PCID2: variants seen among roughly 807,000 people sequenced by gnomAD.
PCID2 encodes the protein PCI domain containing 2.
A neutral mutation model predicts 61.3 loss-of-function variants in PCID2; 41 were observed. The ratio of observed to expected loss-of-function variants is 0.67; its 90% CI spans 0.52 to 0.87. PCID2 has a LOEUF of 0.87. Among genes scored for constraint, PCID2 ranks in the 40% least tolerant of loss-of-function variants. The pLI is 0.00. For synonymous variants in PCID2, 187 were observed against 177.8 expected (o/e 1.05, Z -0.41); for missense variants, 392 against 493.4 (o/e 0.79, Z 1.95).
chr13:113,207,127 C>T (rs4907599), intron 1 of PCID2, among the ~76,000 whole-genome samples: 107,453 of 152,184 alleles, frequency 0.71, 38,677 homozygotes, highest in Middle Eastern at 0.81. Flanking sequence ...CACTCTAATA[C>T]ATCGCAAGCT....
At chr13:113,208,351 A>C in intron 1 of PCID2, 5 of 1,432,446 alleles carry the variant, frequency 3.5e-6, no homozygotes, top group Non-Finnish European at 4.6e-6. Context: ...GTCTACTTAC[A>C]CCGCGACGAC....
At chr13:113,190,656 T>C (rs1212204819) in intron 7 of PCID2, 15 of 394,588 alleles carry the variant, frequency 3.8e-5, no homozygotes. Flanking sequence ...CCAGGCATGG[T>C]CAAATGTGGG....
intron 1 of PCID2, among the ~76,000 whole-genome samples, chr13:113,201,975 G>C (rs77378166): frequency 8.7e-4 from 132 of 152,112 alleles, no homozygotes; most frequent in African/African-American, 3.0e-3. Flanking sequence ...TGTGCAAATG[G>C]CAAAAAAGCA....
chr13:113,208,575 G>C, intron 1 of PCID2, 24 bp downstream of exon 1: 1 of 1,605,798 alleles, frequency 6.2e-7, no homozygotes, highest in Non-Finnish European at 8.5e-7. Flanking sequence ...CCACGCCGCC[G>C]CGCGCTCCCC....
At chr13:113,170,983 C>G in the PCID2 span, among the ~76,000 whole-genome samples, 1 of 151,700 alleles carries the variant, frequency 6.6e-6, no homozygotes, top group Non-Finnish European at 1.5e-5. Context: ...AGTGCAGTGG[C>G]ATGATCCAGG....
At chr13:113,176,021 G>A (rs1023591735), downstream of PCID2, among the ~76,000 whole-genome samples, 10 of 152,224 alleles carry the variant, frequency 6.6e-5, no homozygotes, top group South Asian at 2.1e-4. Flanking sequence ...AAGCTTCCCC[G>A]CCCAGCCCGG....
Position 113,181,254 on chromosome 13 carries a change from C to A in PCID2, c.686-24G>T, listed in dbSNP as rs771573281. 14 of 1,474,458 alleles carry A rather than the reference C, an allele frequency of 9.5e-6. No individual in the cohort carries two copies. The African/African-American group carries it at 1.5e-4, about 16-fold the overall frequency. 91.3% of individuals were successfully genotyped at this position (1,474,458 alleles called of 1,614,324 possible). On this transcript the variant is annotated intron_variant, in intron 9 of 13. Transcript: ENST00000337344. ...AGCTGCAAAGAAGGCAGAGCCAGCA[C>A]GCATGAGACCAACGCACCTGCTTCA...
intron 8 of PCID2, among the ~76,000 whole-genome samples, chr13:113,184,976 C>T (rs2037977552): frequency 1.3e-5 from 2 of 152,264 alleles, no homozygotes; most frequent in Non-Finnish European, 2.9e-5. Flanking sequence ...TATGCAGCAC[C>T]GGCAGGAAGG....
chr13:113,195,591 C>T (rs760267829), intron 5 of PCID2, among the ~76,000 whole-genome samples: 12 of 151,842 alleles, frequency 7.9e-5, no homozygotes, highest in Middle Eastern at 3.4e-3. Flanking sequence ...AAAAGGGTGG[C>T]GGGAGGCAGA....
rs2037434820 is a variant in PCID2 at position 113,179,614 on chromosome 13, G to A, written c.986+303C>T. On this transcript the variant is annotated intron_variant, in intron 12 of 13. Coordinates refer to ENST00000337344, the MANE Select transcript of PCID2 (RefSeq NM_001127202.4). This position sits in a 1 kb window ranked among gnomAD's most constrained non-coding sequence, Gnocchi z 4.3. ...ACTAAGGGAGGGGAGTGAGTGGCGA[G>A]TCCTGTGTGCTCTGATGAAATGTGG... 6.6e-6 allele frequency among the ~76,000 whole-genome samples: 1 copy of A among 152,162 alleles called. No homozygotes were observed. The highest frequency in any genetic ancestry group is 2.1e-4 in the South Asian group (1 of 4,826).
chr13:113,203,067 G>A (rs1164802732), intron 1 of PCID2, among the ~76,000 whole-genome samples: 1 of 152,236 alleles, frequency 6.6e-6, no homozygotes, highest in Non-Finnish European at 1.5e-5. Flanking sequence ...ATCCTGAACT[G>A]CTTGTGAGTG....
intron 9 of PCID2, among the ~76,000 whole-genome samples, chr13:113,181,900 G>A (rs1347889061): frequency 1.3e-5 from 2 of 152,164 alleles, no homozygotes; most frequent in African/African-American, 4.8e-5. Context: ...TGCTAACAAG[G>A]AACTCTCAGA....
intron 1 of PCID2, among the ~76,000 whole-genome samples, chr13:113,206,198 T>C (rs1361966569): frequency 6.6e-6 from 1 of 152,232 alleles, no homozygotes; most frequent in Non-Finnish European, 1.5e-5. Flanking sequence ...CATGGTCTTT[T>C]TAATTCTCAC....
At chr13:113,203,255 A>G (rs2039564108) in intron 1 of PCID2, among the ~76,000 whole-genome samples, 1 of 152,192 alleles carries the variant, frequency 6.6e-6, no homozygotes, top group African/African-American at 2.4e-5. Flanking sequence ...TCATAGGAAA[A>G]CTACAGCCAT....
chr13:113,196,315 G>C, intron 4 of PCID2, 93 bp from the exon 5 acceptor site: 1 of 987,728 alleles, frequency 1.0e-6, no homozygotes, highest in Non-Finnish European at 1.6e-6. Context: ...AAGGAATGTA[G>C]ATCACCCTTG....
chr13:113,180,110 C>T (rs1303987158), intron 11 of PCID2, 48 bp downstream of exon 11: 1 of 1,613,636 alleles, frequency 6.2e-7, no homozygotes, highest in Admixed American at 1.7e-5. Flanking sequence ...CAACTCTCAT[C>T]AGGCTTGCAT....
chr13:113,174,497 G>A (rs1230097219), downstream of PCID2, among the ~76,000 whole-genome samples: 1 of 152,178 alleles, frequency 6.6e-6, no homozygotes, highest in Non-Finnish European at 1.5e-5. Flanking sequence ...TATGATGACT[G>A]TTTTTCTTGT....
At chr13:113,165,289 C>T in the PCID2 span, 9 of 709,900 alleles carry the variant, frequency 1.3e-5, no homozygotes, top group Middle Eastern at 7.2e-4. Context: ...GTTCTAATGC[C>T]GAGTTCATAA....
chr13:113,176,188 T>C (rs573828192), downstream of PCID2, among the ~76,000 whole-genome samples: 21 of 152,388 alleles, frequency 1.4e-4, no homozygotes, highest in African/African-American at 5.0e-4. Flanking sequence ...TCACACTTTG[T>C]AGAATAGCCT....
Sources: gnomAD v4.1 joint callset for allele counts (sites outside exome capture counted in the v4.1 genomes callset) on GRCh38, gnomAD v4.1.1 for gene constraint, Gnocchi (gnomAD v3.1) non-coding constraint, MANE v1.5 for transcripts, NCBI Gene and HGNC (gene_info 2026-07-23, HGNC 2026-07-21) for gene names.